RBFOX1: variants seen among roughly 807,000 people sequenced by gnomAD.
The protein encoded by RBFOX1 is RNA binding fox-1 homolog 1.
Under a neutral mutation model 57.7 loss-of-function variants are expected in RBFOX1, and 8 were observed. That is an observed-to-expected ratio of 0.14 (90% CI 0.08 to 0.25). The LOEUF (loss-of-function observed/expected upper bound fraction) is 0.25. Among genes scored for constraint, RBFOX1 ranks in the 10% least tolerant of loss-of-function variants. The pLI is 1.00. For missense variants in RBFOX1, 611 were observed against 548.5 expected (o/e 1.11, Z -1.14); for synonymous variants, 326 against 222.4 (o/e 1.47, Z -4.15).
At chr16:6,391,128 A>G (rs1316024598) in intron 2 of RBFOX1, among the ~76,000 whole-genome samples, 1 of 152,212 alleles carries the variant, frequency 6.6e-6, no homozygotes, top group East Asian at 1.9e-4. Flanking sequence ...CCCTTGGTTG[A>G]AAAACCACTG....
chr16:6,039,661 A>G (rs1420173192), intron 1 of RBFOX1, among the ~76,000 whole-genome samples: 1 of 152,218 alleles, frequency 6.6e-6, no homozygotes, highest in African/African-American at 2.4e-5. Flanking sequence ...GAAAGTTACA[A>G]ACGTTTCAAA....
chr16:7,567,269 A>ATATATATATCCCTATATATATATCCC lies in RBFOX1; in HGVS notation c.271-12489_271-12488insATATCCCTATATATATCCCTATATAT, dbSNP rs202030071. On this transcript the variant is annotated intron_variant, in intron 5 of 15. Coordinates refer to ENST00000550418, the MANE Select transcript of RBFOX1 (RefSeq NM_018723.4). ...TATATCCCTATATATATATATCCCT[A>ATATATATATCCCTATATATATATCCC]TATATATATCCCTATATATCCTTAT... Among the ~76,000 whole-genome samples the ATATATATATCCCTATATATATATCCC allele has an allele frequency of 3.1e-3, 207 of 67,734 alleles. 2 individuals carry two copies. Among genetic ancestry groups the ATATATATATCCCTATATATATATCCC allele is most frequent in the Middle Eastern group, 0.013 (1 of 76 alleles). 44.4% of individuals were successfully genotyped at this position (67,734 alleles called of 152,430 possible).
chr16:6,254,994 G>A (rs529823859), intron 1 of RBFOX1, among the ~76,000 whole-genome samples: 1 of 151,832 alleles, frequency 6.6e-6, no homozygotes, highest in African/African-American at 2.4e-5. Context: ...TTTTCAGTCA[G>A]TGCTTTTATT....
At chr16:5,341,231 G>A (rs2151295249) in intron 1 of RBFOX1, among the ~76,000 whole-genome samples, 1 of 152,304 alleles carries the variant, frequency 6.6e-6, no homozygotes, top group African/African-American at 2.4e-5. Context: ...ATGGTGAGAA[G>A]TTCAGATTTT....
At chr16:6,803,182 C>T (rs11646870) in intron 3 of RBFOX1, among the ~76,000 whole-genome samples, 19,139 of 151,964 alleles carry the variant, frequency 0.13, 1,748 homozygotes, top group African/African-American at 0.25. Flanking sequence ...TTAAGGACAC[C>T]AAATGATTGA....
At chr16:7,052,539 T>A (rs2050469513) in intron 4 of RBFOX1, among the ~76,000 whole-genome samples, 1 of 152,106 alleles carries the variant, frequency 6.6e-6, no homozygotes, top group African/African-American at 2.4e-5. Flanking sequence ...CTGGGAGAAT[T>A]TGTGTTATCT....
At position 7,217,292 on chromosome 16, in the gene RBFOX1, C is replaced by T. The variant is rs978278536; in HGVS notation, c.27+165194C>T. Among the ~76,000 whole-genome samples the T allele has an allele frequency of 2.0e-4, 21 of 104,054 alleles. No homozygotes were observed. The East Asian group carries it at 3.4e-3, about 17-fold the overall frequency. The allele number at this position is 104,054 out of a possible 152,430, so 68.3% of individuals were successfully genotyped here. A position where few individuals can be genotyped will look rare whatever the true frequency, so the allele number is the denominator to read the frequency against. ...AATTATCTTTTTTTTTCTTATTCTT[C>T]TTTTTTTTTTTTTTTTTTAGTAGAG... On this transcript the variant is annotated intron_variant, in intron 4 of 15. Transcript: ENST00000550418.
intron 3 of RBFOX1, among the ~76,000 whole-genome samples, chr16:7,022,003 TC>T (rs2039351352): frequency 1.5e-4 from 1 of 6,878 alleles, no homozygotes; most frequent in Non-Finnish European, 2.1e-4. Flanking sequence ...CCTCCCCCTC[TC>T]CCTCCCCTTC....
At chr16:6,379,038 G>C (rs1411136991) in intron 2 of RBFOX1, among the ~76,000 whole-genome samples, 2 of 152,132 alleles carry the variant, frequency 1.3e-5, no homozygotes, top group African/African-American at 4.8e-5. Context: ...AATCGGTGTT[G>C]GGATTGTGTG....
At chr16:7,510,370 C>T in intron 4 of RBFOX1, 3 of 976,262 alleles carry the variant, frequency 3.1e-6, no homozygotes, top group Non-Finnish European at 3.7e-6. Context: ...TTGAATGAAG[C>T]TGAAAGCTTT....
intron 2 of RBFOX1, among the ~76,000 whole-genome samples, chr16:6,623,133 A>T (rs1205312363): frequency 6.6e-6 from 1 of 152,164 alleles, no homozygotes; most frequent in African/African-American, 2.4e-5. Flanking sequence ...GTGGACTGGC[A>T]CAGGCTCTGC....
chr16:6,263,277 T>C (rs558380508), intron 1 of RBFOX1, among the ~76,000 whole-genome samples: 2 of 152,324 alleles, frequency 1.3e-5, no homozygotes, highest in South Asian at 2.1e-4. Flanking sequence ...CAGTCTTAGC[T>C]GGAATCATTC....
At chr16:7,167,435 C>T (rs1488425202) in intron 4 of RBFOX1, among the ~76,000 whole-genome samples, 1 of 151,916 alleles carries the variant, frequency 6.6e-6, no homozygotes, top group African/African-American at 2.4e-5. Flanking sequence ...GAGAAGGCCA[C>T]GTGAAGACCA....
At chr16:6,755,107 T>C (rs1346286173) in intron 3 of RBFOX1, among the ~76,000 whole-genome samples, 2 of 152,222 alleles carry the variant, frequency 1.3e-5, no homozygotes, top group Non-Finnish European at 2.9e-5. Context: ...TCTATCATTG[T>C]TGGACATTTG....
At chr16:6,736,102 C>T (rs1296486813) in intron 3 of RBFOX1, among the ~76,000 whole-genome samples, 1 of 152,080 alleles carries the variant, frequency 6.6e-6, no homozygotes, top group Non-Finnish European at 1.5e-5. Flanking sequence ...TTATTTTAGC[C>T]ATCCAAGGAG....
At chr16:5,727,472 C>T (rs77709929) in intron 3 of RBFOX1, among the ~76,000 whole-genome samples, 3,033 of 152,260 alleles carry the variant, frequency 0.02, 99 homozygotes, top group African/African-American at 0.066. Flanking sequence ...CATTACCTGA[C>T]ATAGTTAACC....
At chr16:7,315,092 T>TATCTC (rs1555699717) in intron 4 of RBFOX1, among the ~76,000 whole-genome samples, 1 of 147,750 alleles carries the variant, frequency 6.8e-6, no homozygotes, top group African/African-American at 2.5e-5. Context: ...AGAAAAGCTC[T>TATCTC]TTTTTTTTTT....
intron 3 of RBFOX1, among the ~76,000 whole-genome samples, chr16:6,793,134 T>G (rs2154250112): frequency 6.6e-6 from 1 of 152,298 alleles, no homozygotes; most frequent in South Asian, 2.1e-4. Flanking sequence ...GTCACCAGAT[T>G]TGGGTATTAT....
intron 4 of RBFOX1, among the ~76,000 whole-genome samples, chr16:7,312,115 C>G (rs1353338327): frequency 6.6e-6 from 1 of 152,214 alleles, no homozygotes; most frequent in East Asian, 1.9e-4. Flanking sequence ...CGCAGTGGCC[C>G]ACGCCTGTAA....
Sources: allele counts gnomAD v4.1 joint callset (sites outside exome capture counted in the v4.1 genomes callset), GRCh38; gene constraint gnomAD v4.1.1; transcripts MANE v1.5; gene names NCBI Gene and HGNC (gene_info 2026-07-23, HGNC 2026-07-21).